The following NOS1 variants were observed in gnomAD, a reference collection of about 807,000 sequenced individuals.
The protein encoded by NOS1 is nitric oxide synthase 1.
A neutral mutation model predicts 164.5 loss-of-function variants in NOS1; 51 were observed. The observed-to-expected ratio is 0.31, with a 90% CI of 0.25 to 0.39. The LOEUF (loss-of-function observed/expected upper bound fraction) is 0.39, where lower values mean the gene tolerates loss of function less well. Among genes scored for constraint, NOS1 ranks in the 10% least tolerant of loss-of-function variants. The pLI is 1.00. For synonymous variants in NOS1, 719 were observed against 745.8 expected (o/e 0.96, Z 0.59); for missense variants, 1,362 against 1,885.6 (o/e 0.72, Z 5.14).
intron 3 of NOS1, among the ~76,000 whole-genome samples, chr12:117,295,587 G>A (rs1411668470): frequency 2.0e-5 from 3 of 149,746 alleles, no homozygotes; most frequent in East Asian, 2.0e-4. Context: ...CTCAAATGCC[G>A]TCATGTTAGA....
At chr12:117,263,690 T>G (rs932142838) in intron 13 of NOS1, among the ~76,000 whole-genome samples, 199 bp downstream of exon 13, 2 of 151,450 alleles carry the variant, frequency 1.3e-5, no homozygotes, top group African/African-American at 4.9e-5. Context: ...GTGAGGAAAG[T>G]GAGGCTGAGA....
rs1872164776 is a variant in NOS1, at chr12:117,264,114, C to A, written c.2137-140G>T. On this transcript the variant is annotated intron_variant, in intron 12 of 28. Transcript: ENST00000317775. ...GGGAAGAATTCTGCCCAGTGGTGAC[C>A]ACCATGGGGGAAGGGATGCGGGGTT... 3 of 462,062 alleles carry A rather than the reference C, an allele frequency of 6.5e-6. No homozygotes were observed. In the South Asian group the frequency reaches 1.1e-4, roughly 17 times the overall value. 28.6% of individuals were successfully genotyped at this position (462,062 alleles called of 1,614,324 possible). A position where few individuals can be genotyped will look rare whatever the true frequency, so the allele number is the denominator to read the frequency against.
At position 117,278,178 on chromosome 12, in the gene NOS1, G is replaced by A. The variant is rs1009971899; in HGVS notation, c.1525-80C>T. 2.1e-6 allele frequency: 3 copies of A among 1,444,036 alleles called. No homozygotes were observed. In the Admixed American group the frequency reaches 6.9e-5, roughly 33 times the overall value. The allele number at this position is 1,444,036 out of a possible 1,614,324, so 89.5% of individuals were successfully genotyped here. On this transcript the variant is annotated intron_variant, in intron 8 of 28. Coordinates refer to ENST00000317775, the MANE Select transcript of NOS1 (RefSeq NM_000620.5). ...ACCCTTATGTGGGAAGCGGGGGTGG[G>A]GTGGATAGAGATCCAAATGCAAGCC...
At chr12:117,241,030 C>T (rs1276045105) in intron 20 of NOS1, among the ~76,000 whole-genome samples, 2 of 151,444 alleles carry the variant, frequency 1.3e-5, no homozygotes, top group African/African-American at 4.9e-5. Flanking sequence ...GCCTCCGCCT[C>T]CTGGGTTCCA....
intron 1 of NOS1, among the ~76,000 whole-genome samples, chr12:117,336,173 C>T (rs760508011): frequency 6.6e-6 from 1 of 152,196 alleles, no homozygotes; most frequent in Non-Finnish European, 1.5e-5. Context: ...AGCACATCCT[C>T]GCCTGTGGAT....
chr12:117,304,178 A>G (rs1260285407), intron 3 of NOS1, among the ~76,000 whole-genome samples: 1 of 152,164 alleles, frequency 6.6e-6, no homozygotes, highest in Non-Finnish European at 1.5e-5. Context: ...TCTCAAAAAA[A>G]AAACCACAAA....
Position 117,234,504 on chromosome 12 carries a change from C to T in NOS1, c.3235+61G>A. The T allele has an allele frequency of 1.3e-6, 2 of 1,536,984 alleles. No homozygotes were observed. Among genetic ancestry groups the T allele is most frequent in the Non-Finnish European group, 1.8e-6 (2 of 1,128,426 alleles). Reference sequence around the variant, plus strand: ...GATTGGGAAGAAAAGGTATCTTCTTCCCGAGACACCCACTGCCTCTGCAGC... The same window carrying T: ...GATTGGGAAGAAAAGGTATCTTCTTTCCGAGACACCCACTGCCTCTGCAGC... On this transcript the variant is annotated intron_variant, in intron 21 of 28. Coordinates refer to ENST00000317775, the MANE Select transcript of NOS1 (RefSeq NM_000620.5). This position sits in a 1 kb window ranked among gnomAD's most constrained non-coding sequence, Gnocchi z 4.3.
intron 2 of NOS1, among the ~76,000 whole-genome samples, chr12:117,315,447 C>T (rs1017855930): frequency 2.0e-5 from 3 of 152,134 alleles, no homozygotes; most frequent in East Asian, 1.9e-4. Context: ...CTCCTGGCCT[C>T]GAGTGATCCA....
intron 25 of NOS1, among the ~76,000 whole-genome samples, chr12:117,224,060 G>T (rs555666436): frequency 1.3e-5 from 2 of 152,294 alleles, no homozygotes; most frequent in African/African-American, 4.8e-5. Flanking sequence ...CCTGATACCT[G>T]GCAAGTACTT....
At position 117,283,946 on chromosome 12, in the gene NOS1, AG is replaced by A. The variant is rs549801253; in HGVS notation, c.1382+1294del. On this transcript the variant is annotated intron_variant, in intron 7 of 28. Transcript: ENST00000317775. ...TCTCGACCAGGTCCGGATACACAAGAGGGTTCTTTAATATTCTTTAAGGGGT... is the reference window on the plus strand; with the variant it reads ...TCTCGACCAGGTCCGGATACACAAGAGGTTCTTTAATATTCTTTAAGGGGT... Among the ~76,000 whole-genome samples, 32 of 151,676 alleles carry A rather than the reference AG, an allele frequency of 2.1e-4. 1 individual carries two copies. In the South Asian group the frequency reaches 6.5e-3, roughly 31 times the overall value.
Position 117,208,738 on chromosome 12 carries a change from T to G in NOS1, c.*6571A>C. 1 of 1,009,990 alleles carries G rather than the reference T, an allele frequency of 9.9e-7. No individual in the cohort carries two copies. The highest frequency in any genetic ancestry group is 1.2e-6 in the Non-Finnish European group (1 of 846,530). 62.6% of individuals were successfully genotyped at this position (1,009,990 alleles called of 1,614,324 possible). On this transcript the variant is annotated 3_prime_UTR_variant, in exon 29 of 29. Coordinates refer to ENST00000317775, the MANE Select transcript of NOS1 (RefSeq NM_000620.5). ...TCTGGCATGGGAGGGCTTTTTTTTT[T>G]TTTTCCACAGGGTCTCATTCTGTCA...
At chr12:117,225,203 T>C (rs1026435560) in intron 24 of NOS1, 66 bp from the exon 25 acceptor site, 6 of 1,546,202 alleles carry the variant, frequency 3.9e-6, no homozygotes, top group Non-Finnish European at 5.2e-6. Flanking sequence ...AATTGAATCT[T>C]AGGTAGACCA....
intron 16 of NOS1, among the ~76,000 whole-genome samples, chr12:117,258,126 G>A (rs575532540): frequency 9.2e-5 from 14 of 152,264 alleles, no homozygotes; most frequent in African/African-American, 3.4e-4. Context: ...CATCTAGTTT[G>A]TGATTTGATT....
At chr12:117,233,993 C>T (rs1869489167) in intron 21 of NOS1, among the ~76,000 whole-genome samples, 1 of 152,052 alleles carries the variant, frequency 6.6e-6, no homozygotes, top group African/African-American at 2.4e-5. Flanking sequence ...TTCCTTGTAC[C>T]TGACTCCTGA....
At chr12:117,343,167 CAA>C (rs762397215) in intron 1 of NOS1, among the ~76,000 whole-genome samples, 2 of 129,388 alleles carry the variant, frequency 1.5e-5, no homozygotes. Flanking sequence ...CCATCTCTAC[CAA>C]AAAAAAAAAA....
rs888904060 is a variant in NOS1 at position 117,212,343 on chromosome 12, G to A, written c.*2966C>T. The A allele has an allele frequency of 1.0e-5, 10 of 985,252 alleles. No homozygotes were observed. 61.0% of individuals were successfully genotyped at this position (985,252 alleles called of 1,614,324 possible). A position where few individuals can be genotyped will look rare whatever the true frequency, so the allele number is the denominator to read the frequency against. On this transcript the variant is annotated 3_prime_UTR_variant, in exon 29 of 29. Transcript: ENST00000317775. ...ACCAACAGGGGCAGAATTAGGATTT[G>A]CACTCAGGTCGGCTCCCAAAATTCC... is the stretch of plus-strand genomic sequence containing the variant.
chr12:117,219,303 G>GT (rs10595279), intron 27 of NOS1, among the ~76,000 whole-genome samples: 66 of 149,740 alleles, frequency 4.4e-4, no homozygotes, highest in East Asian at 4.2e-3. Context: ...GTTTTGTTTT[G>GT]TTTTTTTTGT....
intron 22 of NOS1, among the ~76,000 whole-genome samples, chr12:117,229,735 C>T (rs1302218554): frequency 2.0e-5 from 3 of 152,212 alleles, no homozygotes; most frequent in Non-Finnish European, 2.9e-5. Flanking sequence ...ATTACAGGTG[C>T]CCACCACCAC....
rs1272739323 is a variant in NOS1 at position 117,218,050 on chromosome 12, C to T, written c.4285G>A (p.Asp1429Asn). ...AFIEESKKDT[D>N]EVFSS ...CCAGGGATGGAGCCAGCTTACTCAT[C>T]GGTGTCTTTTTTGCTCTCTTCAATG... is the stretch of plus-strand genomic sequence containing the variant. The change falls in exon 28 of 29, where the codon GAT becomes AAT. Residue 1429 changes from aspartate to asparagine, a missense_variant. By Grantham distance (23) the Asp-to-Asn change is conservative. This residue lies in a region of NOS1 where 737 missense variants were observed against 1,030.3 expected (regional missense o/e 0.72). Transcript: ENST00000317775. The T allele has an allele frequency of 1.1e-5, 18 of 1,610,154 alleles. No homozygotes were observed. The highest frequency in any genetic ancestry group is 1.6e-4 in the Middle Eastern group (1 of 6,070).
Sources: allele counts gnomAD v4.1 joint callset (sites outside exome capture counted in the v4.1 genomes callset), GRCh38; gene constraint gnomAD v4.1.1; regional missense constraint gnomAD v4.1.1; non-coding constraint Gnocchi (gnomAD v3.1); transcripts MANE v1.5; gene names NCBI Gene and HGNC (gene_info 2026-07-23, HGNC 2026-07-21).